MYOM3: variants seen among roughly 807,000 people sequenced by gnomAD.
MYOM3 encodes the protein myomesin-3.
A neutral mutation model predicts 191.7 loss-of-function variants in MYOM3; 155 were observed. The observed-to-expected ratio is 0.81, with a 90% CI of 0.71 to 0.92. MYOM3 has a LOEUF of 0.92. MYOM3 is among the 40% of genes least tolerant of loss of function. The pLI, the probability that MYOM3 is intolerant of heterozygous loss-of-function variation, is 0.00. For missense variants in MYOM3, 1,889 were observed against 1,890.6 expected, an observed-to-expected ratio of 1.00 and a Z score of 0.02; for synonymous variants, 757 against 762.9, an observed-to-expected ratio of 0.99 and a Z score of 0.13.
At chr1:24,081,243 G>C in intron 19 of MYOM3, 87 bp downstream of exon 19, 2 of 1,545,830 alleles carry the variant, frequency 1.3e-6, no homozygotes, top group South Asian at 1.2e-5. Flanking sequence ...TGAATGCATA[G>C]AGGAGAGCGG....
intron 22 of MYOM3, among the ~76,000 whole-genome samples, chr1:24,075,086 GAAA>G (rs1643579738): frequency 6.6e-6 from 1 of 150,492 alleles, no homozygotes; most frequent in Admixed American, 6.6e-5. Flanking sequence ...AAAAAGAAAA[GAAA>G]AGAAAAGAAA....
intron 20 of MYOM3, among the ~76,000 whole-genome samples, chr1:24,078,263 C>T (rs536271243): frequency 1.6e-4 from 24 of 152,074 alleles, no homozygotes; most frequent in East Asian, 3.9e-4. Context: ...TACAGGCACG[C>T]GCCACCACAC....
chr1:24,063,298 C>CG lies in MYOM3; in HGVS notation c.3662-65dup. 6.8e-7 allele frequency: 1 copy of CG among 1,475,364 alleles called. No homozygotes were observed. The highest frequency in any genetic ancestry group is 9.5e-7 in the Non-Finnish European group (1 of 1,056,176). 91.4% of individuals were successfully genotyped at this position (1,475,364 alleles called of 1,614,324 possible). ...CCATTTAGGCATCAGATTTTGGGGC[C>CG]GGCTTGTCTGCCTCTGCCCTGGGGG... On this transcript the variant is annotated intron_variant, in intron 31 of 36. Transcript: ENST00000374434. This position sits in a 1 kb window ranked among gnomAD's most constrained non-coding sequence, Gnocchi z 4.5.
chr1:24,065,919 G>T lies in MYOM3; in HGVS notation c.3506C>A (p.Thr1169Lys). Residue 1169 changes from threonine (T) to lysine (K), a missense_variant, in exon 29 of 37, where the codon ACG (threonine) becomes AAG (lysine). Coordinates refer to ENST00000374434, the MANE Select transcript of MYOM3 (RefSeq NM_152372.4). Reference protein sequence around the residue: ...EMPDGQYDPETGTGLLCIEEL... With the variant: ...EMPDGQYDPEKGTGLLCIEEL... ...TTCAATGCAGAGAAGTCCCGTTCCC[G>T]TCTCTGGGTCATACTGACCATCTGG... The T allele has an allele frequency of 1.2e-6, 2 of 1,613,252 alleles. No individual in the cohort carries two copies. The highest frequency in any genetic ancestry group is 1.7e-6 in the Non-Finnish European group (2 of 1,179,170).
At chr1:24,081,974 C>T in intron 18 of MYOM3, 27 bp downstream of exon 18, 1 of 1,589,324 alleles carries the variant, frequency 6.3e-7, no homozygotes, top group Non-Finnish European at 8.6e-7. Context: ...AGTCATGACA[C>T]AGGCTGGGGC....
Position 24,063,352 on chromosome 1 carries a change from G to C in MYOM3, c.3662-118C>G. 7.3e-7 allele frequency: 1 copy of C among 1,369,762 alleles called. No homozygotes were observed. The highest frequency in any genetic ancestry group is 1.0e-6 in the Non-Finnish European group (1 of 960,818). 84.9% of individuals were successfully genotyped at this position (1,369,762 alleles called of 1,614,324 possible). ...GGTGCTGTGGGGGAAATGCAGTGCT[G>C]TGAAGAGGCGGGATTTTCTCTTCGG... is the stretch of plus-strand genomic sequence containing the variant. On this transcript the variant is annotated intron_variant, in intron 31 of 36. Transcript: ENST00000374434. This position sits in a 1 kb window ranked among gnomAD's most constrained non-coding sequence, Gnocchi z 4.5.
In MYOM3 at chr1:24,090,805, C is replaced by T. The variant is rs747505778; in HGVS notation, c.1424G>A (p.Arg475Lys). 6 of 1,614,002 alleles carry T rather than the reference C, an allele frequency of 3.7e-6. No individual in the cohort carries two copies. The highest frequency in any genetic ancestry group is 4.2e-6 in the Non-Finnish European group (5 of 1,180,026). ...AGGACCTCTGTACCCACCTGTCTTC[C>T]TCCGGGCTGCATCATGGTCACCCAT... is the stretch of plus-strand genomic sequence containing the variant. ...VVMGDHDAARRKTEIPFDLGN... is the reference protein window; with the variant it reads ...VVMGDHDAARKKTEIPFDLGN... The change falls in exon 12 of 37, where the codon AGG becomes AAG. Residue 475 changes from arginine (R) to lysine (K), a missense_variant. Coordinates refer to ENST00000374434, the MANE Select transcript of MYOM3 (RefSeq NM_152372.4).
At chr1:24,072,069 G>A (rs1643538404) in intron 23 of MYOM3, 56 bp from the exon 24 acceptor site, 1 of 1,576,840 alleles carries the variant, frequency 6.3e-7, no homozygotes, top group East Asian at 2.2e-5. Flanking sequence ...CCTGGTCGGG[G>A]GTGGGGGGCC....
intron 8 of MYOM3, 122 bp downstream of exon 8, chr1:24,095,319 CA>C (rs1245643641): frequency 2.0e-6 from 2 of 993,710 alleles, no homozygotes; most frequent in Non-Finnish European, 3.1e-6. Flanking sequence ...AGCTCATAGA[CA>C]AACCCCGGTG....
chr1:24,074,087 C>A, intron 23 of MYOM3, 73 bp downstream of exon 23: 1 of 1,250,312 alleles, frequency 8.0e-7, no homozygotes, highest in South Asian at 1.3e-5. Flanking sequence ...TTGCTTTTTG[C>A]TGACCTGTGT....
chr1:24,066,070 A>C, intron 28 of MYOM3, 69 bp from the exon 29 acceptor site: 4 of 981,816 alleles, frequency 4.1e-6, no homozygotes, highest in Non-Finnish European at 6.6e-6. Context: ...ACACCTGTGC[A>C]CACTTTCAGG....
In MYOM3 at chr1:24,074,273, G is replaced by A; in HGVS notation, c.2859-4C>T. On this transcript the variant is annotated splice_polypyrimidine_tract_variant and splice_region_variant and intron_variant, in intron 22 of 36. Transcript: ENST00000374434. ...TTCTTTCAGGATGACCTTGGACCTGGCAGAGAGAGGAGAGCAGAGGCTCTG... is the reference window on the plus strand; with the variant it reads ...TTCTTTCAGGATGACCTTGGACCTGACAGAGAGAGGAGAGCAGAGGCTCTG... 1 of 1,610,490 alleles carries A rather than the reference G, an allele frequency of 6.2e-7. No individual in the cohort carries two copies. Among genetic ancestry groups the A allele is most frequent in the Non-Finnish European group, 8.5e-7 (1 of 1,176,820 alleles).
intron 22 of MYOM3, 68 bp from the exon 23 acceptor site, chr1:24,074,337 G>T (rs1431061322): frequency 5.7e-6 from 7 of 1,229,664 alleles, no homozygotes; most frequent in Middle Eastern, 2.4e-4. Context: ...AGGCCTGGGA[G>T]CCAGGGAGTC....
In MYOM3 at chr1:24,074,200, G is replaced by T. The variant is rs184519875; in HGVS notation, c.2928C>A (p.Ala976=). 8.9e-5 allele frequency: 143 copies of T among 1,614,050 alleles called. No homozygotes were observed. In the East Asian group the frequency reaches 1.4e-3, roughly 15 times the overall value. The change falls in exon 23 of 37, where the codon GCC becomes GCA. Residue 976 remains alanine (A), a synonymous_variant. Transcript: ENST00000374434. The part of the protein sequence containing the change: ...LGTYSVIVTD[A]DEDISASHTL... ...TGTGGCTTGCGGAGATGTCTTCATCGGCATCAGTGACTATGACTGAGTAGG... is the reference window on the plus strand; with the variant it reads ...TGTGGCTTGCGGAGATGTCTTCATCTGCATCAGTGACTATGACTGAGTAGG...
intron 16 of MYOM3, chr1:24,083,328 C>G (rs1191166495): frequency 6.6e-6 from 1 of 152,242 alleles, no homozygotes; most frequent in African/African-American, 2.4e-5. Flanking sequence ...TGCTTCCTGA[C>G]CTTGAAAATT....
chr1:24,065,774 G>T, intron 29 of MYOM3, 117 bp downstream of exon 29: 1 of 792,074 alleles, frequency 1.3e-6, no homozygotes. Flanking sequence ...TGTGCTCAGG[G>T]CCTCACTTGC....
rs371240271 is a variant in MYOM3, at chr1:24,071,118, G to A, written c.3149C>T (p.Pro1050Leu). The A allele has an allele frequency of 3.8e-5, 62 of 1,613,332 alleles. No individual in the cohort carries two copies. Among genetic ancestry groups the A allele is most frequent in the Non-Finnish European group, 5.0e-5 (59 of 1,179,648 alleles). Residue 1050 changes from proline to leucine, a missense_variant and splice_region_variant, in exon 25 of 37, where the codon CCG becomes CTG. Pro to Leu is a moderately conservative substitution (Grantham distance 98). Transcript: ENST00000374434. ...CAGGGATTGTGAGCACCCAATTACC[G>A]GCGAGCTGAAGATCTCCTTGTTGTT... is the stretch of plus-strand genomic sequence containing the variant. ...IFNNKEIFSS[P>L]NRKINFDREK...
At chr1:24,071,474 C>T (rs1643531402) in intron 24 of MYOM3, among the ~76,000 whole-genome samples, 1 of 152,188 alleles carries the variant, frequency 6.6e-6, no homozygotes, top group South Asian at 2.1e-4. Context: ...AGCTCTGGGG[C>T]TGCAGTTCTC....
At chr1:24,069,901 C>T (rs961893064) in intron 25 of MYOM3, among the ~76,000 whole-genome samples, 24 of 151,834 alleles carry the variant, frequency 1.6e-4, no homozygotes, top group South Asian at 2.1e-4. Flanking sequence ...ATGGGCACCC[C>T]GCCCAGCCAC....
Sources: allele counts gnomAD v4.1 joint callset (sites outside exome capture counted in the v4.1 genomes callset), GRCh38; gene constraint gnomAD v4.1.1; non-coding constraint Gnocchi (gnomAD v3.1); transcripts MANE v1.5; gene names NCBI Gene and HGNC (gene_info 2026-07-23, HGNC 2026-07-21).